The following VPS26C variants were observed in gnomAD, a reference collection of about 807,000 sequenced individuals.
VPS26C encodes the protein vacuolar protein sorting-associated protein 26C.
In VPS26C, 19 loss-of-function variants were observed where a neutral mutation model predicts 30.6. The observed-to-expected ratio is 0.62, with a 90% CI of 0.43 to 0.91. The LOEUF (loss-of-function observed/expected upper bound fraction) is 0.91. Among genes scored for constraint, VPS26C ranks in the 40% least tolerant of loss-of-function variants. The probability of loss-of-function intolerance (pLI) is 0.00; values close to 1 mark genes in which losing one functional copy is unlikely to be tolerated. For missense variants in VPS26C, 318 were observed against 385.1 expected (o/e 0.83, Z 1.46); for synonymous variants, 132 against 151.5 (o/e 0.87, Z 0.95).
chr21:37,241,401 C>T (rs1287422746), intron 1 of VPS26C, among the ~76,000 whole-genome samples: 1 of 152,196 alleles, frequency 6.6e-6, no homozygotes, highest in East Asian at 1.9e-4. Flanking sequence ...AGAGCAGTTT[C>T]TTCCTGTCAC....
chr21:37,267,910 C>G (rs1329937253), upstream of VPS26C: 5 of 153,432 alleles, frequency 3.3e-5, no homozygotes, highest in African/African-American at 9.6e-5. Flanking sequence ...CCGCACCCTG[C>G]CCTTCCCGCG....
chr21:37,240,442 G>C, intron 2 of VPS26C, 54 bp downstream of exon 2: 1 of 1,601,458 alleles, frequency 6.2e-7, no homozygotes, highest in Non-Finnish European at 8.5e-7. Context: ...ACTGCGCCCA[G>C]CCCAACATTT....
intron 1 of VPS26C, among the ~76,000 whole-genome samples, chr21:37,246,964 C>T (rs147970598): frequency 2.1e-4 from 32 of 152,116 alleles, no homozygotes; most frequent in African/African-American, 7.7e-4. Flanking sequence ...TGCTGTGTTG[C>T]CCAGGCTAGT....
intron 1 of VPS26C, among the ~76,000 whole-genome samples, chr21:37,248,457 A>AC (rs2086159255): frequency 6.6e-6 from 1 of 152,190 alleles, no homozygotes; most frequent in African/African-American, 2.4e-5. Context: ...TAATTAAAAG[A>AC]TAATATTCAA....
chr21:37,268,094 C>T (rs1050618801), upstream of VPS26C: 1 of 152,266 alleles, frequency 6.6e-6, no homozygotes, highest in Admixed American at 6.5e-5. Flanking sequence ...CTGGGTCACC[C>T]GCCAGCCGGG....
intron 2 of VPS26C, among the ~76,000 whole-genome samples, chr21:37,239,306 G>A (rs2086059053): frequency 6.6e-6 from 1 of 152,210 alleles, no homozygotes; most frequent in Non-Finnish European, 1.5e-5. Flanking sequence ...AACATAGGAA[G>A]CCCCTAAATC....
chr21:37,252,002 G>A lies in VPS26C; in HGVS notation c.58-11363C>T, dbSNP rs186975829. On this transcript the variant is annotated intron_variant, in intron 1 of 7. Coordinates refer to ENST00000309117, the MANE Select transcript of VPS26C (RefSeq NM_006052.2). ...GGATGCACCATGACAGCCCATCTTC[G>A]TTCCCCACAGTCGTGTGCATATATC... 2.4e-3 allele frequency among the ~76,000 whole-genome samples: 367 copies of A among 152,202 alleles called. 1 individual carries two copies. Among genetic ancestry groups the A allele is most frequent in the African/African-American group, 8.5e-3 (352 of 41,534 alleles).
intron 1 of VPS26C, chr21:37,261,989 A>G (rs188912539): frequency 6.6e-6 from 1 of 152,330 alleles, no homozygotes; most frequent in African/African-American, 2.4e-5. Flanking sequence ...TTAGAGTAGT[A>G]CTTAGTGGGA....
chr21:37,227,928 C>A, intron 6 of VPS26C, 122 bp from the exon 7 acceptor site: 1 of 1,302,784 alleles, frequency 7.7e-7, no homozygotes, highest in East Asian at 2.5e-5. Context: ...CCTCACTTTC[C>A]TTAGACACGC....
intron 1 of VPS26C, among the ~76,000 whole-genome samples, chr21:37,252,825 G>A (rs1417528952): frequency 1.3e-5 from 2 of 152,120 alleles, no homozygotes; most frequent in Non-Finnish European, 2.9e-5. Context: ...CAGATTCAAA[G>A]GCTACAAAGC....
At position 37,233,197 on chromosome 21, in the gene VPS26C, G is replaced by C; in HGVS notation, c.432+165C>G. 1.6e-6 allele frequency: 1 copy of C among 632,886 alleles called. No individual in the cohort carries two copies. The highest frequency in any genetic ancestry group is 2.8e-6 in the Non-Finnish European group (1 of 354,480). 39.2% of individuals were successfully genotyped at this position (632,886 alleles called of 1,614,324 possible). The stretch of plus-strand genomic sequence containing the variant: ...CTGGGCCCAGGACAATGATGCACAC[G>C]TGATGCGCATGCCACCGACTGTCTC... On this transcript the variant is annotated intron_variant, in intron 4 of 7. Coordinates refer to ENST00000309117, the MANE Select transcript of VPS26C (RefSeq NM_006052.2). This position sits in a 1 kb window ranked among gnomAD's most constrained non-coding sequence, Gnocchi z 5.2.
intron 1 of VPS26C, among the ~76,000 whole-genome samples, chr21:37,252,008 C>G (rs918770720): frequency 5.3e-5 from 8 of 152,192 alleles, no homozygotes; most frequent in Non-Finnish European, 1.0e-4. Flanking sequence ...CTTCGTTCCC[C>G]ACAGTCGTGT....
intron 5 of VPS26C, 76 bp from the exon 6 acceptor site, chr21:37,228,449 AC>A (rs749685661): frequency 1.9e-4 from 290 of 1,536,664 alleles, no homozygotes; most frequent in Non-Finnish European, 2.5e-4. Context: ...TGCAAATAAA[AC>A]CTGGAAGCGA....
chr21:37,246,352 T>C (rs534798628), intron 1 of VPS26C, among the ~76,000 whole-genome samples: 152 of 152,164 alleles, frequency 1.0e-3, no homozygotes, highest in South Asian at 5.2e-3. Flanking sequence ...AGTGTGACCC[T>C]AGAATTTATA....
chr21:37,244,169 C>T (rs765683470), intron 1 of VPS26C, among the ~76,000 whole-genome samples: 2 of 152,266 alleles, frequency 1.3e-5, no homozygotes, highest in African/African-American at 2.4e-5. Context: ...GGCCACCTTG[C>T]TCTTCTCAGC....
chr21:37,261,627 A>C (rs1251266154), intron 1 of VPS26C: 2 of 150,518 alleles, frequency 1.3e-5, no homozygotes, highest in Admixed American at 1.3e-4. Context: ...CAGAAACTGA[A>C]GCACACATTT....
chr21:37,267,418 C>T, upstream of VPS26C: 2 of 811,634 alleles, frequency 2.5e-6, no homozygotes, highest in Non-Finnish European at 4.1e-6. Flanking sequence ...CTCACGTGAC[C>T]TCGCAGCGGC....
chr21:37,243,733 C>T (rs1231935841), intron 1 of VPS26C, among the ~76,000 whole-genome samples: 5 of 152,192 alleles, frequency 3.3e-5, no homozygotes. Flanking sequence ...TCCGAGACTA[C>T]AGCCCGCACC....
At chr21:37,231,365 G>T (rs1478170705) in intron 5 of VPS26C, 1 of 152,298 alleles carries the variant, frequency 6.6e-6, no homozygotes, top group Non-Finnish European at 1.5e-5. Context: ...GCTGAGGTCA[G>T]CGCTTCCGAA....
Sources: gnomAD v4.1 joint callset for allele counts (sites outside exome capture counted in the v4.1 genomes callset) on GRCh38, gnomAD v4.1.1 for gene constraint, Gnocchi (gnomAD v3.1) non-coding constraint, MANE v1.5 for transcripts, NCBI Gene and HGNC (gene_info 2026-07-23, HGNC 2026-07-21) for gene names.